Variants in CORIN observed in about 807,000 individuals in gnomAD.
CORIN encodes corin, serine peptidase.
CORIN carries 117 observed loss-of-function variants against 125.3 expected under a neutral mutation model. That is an observed-to-expected ratio of 0.93 (90% confidence interval 0.80 to 1.09). The LOEUF is 1.09. Among genes scored for constraint, CORIN ranks in the 50% least tolerant of loss-of-function variants. The pLI, the probability that CORIN is intolerant of heterozygous loss-of-function variation, is 0.00. For synonymous variants in CORIN, 450 were observed against 466.4 expected, an observed-to-expected ratio of 0.96 and a Z score of 0.45; for missense variants, 1,253 against 1,306.7, an observed-to-expected ratio of 0.96 and a Z score of 0.63.
intron 4 of CORIN, among the ~76,000 whole-genome samples, chr4:47,749,649 G>A (rs1728815415): frequency 6.6e-6 from 1 of 152,190 alleles, no homozygotes; most frequent in Non-Finnish European, 1.5e-5. Context: ...GCTTTAAGCT[G>A]ATAGGTTTAT....
At chr4:47,826,971 T>C in intron 1 of CORIN, among the ~76,000 whole-genome samples, 1 of 152,252 alleles carries the variant, frequency 6.6e-6, no homozygotes, top group Non-Finnish European at 1.5e-5. Context: ...GTTGATTACA[T>C]ATTAAAATTA....
intron 1 of CORIN, among the ~76,000 whole-genome samples, chr4:47,834,959 C>A (rs1272824849): frequency 1.3e-5 from 2 of 152,122 alleles, no homozygotes. Context: ...TTGCCCAGAG[C>A]CTTGCGGTTC....
At chr4:47,681,996 G>A (rs1297590253) in intron 7 of CORIN, 2 of 152,178 alleles carry the variant, frequency 1.3e-5, no homozygotes, top group African/African-American at 4.8e-5. Context: ...GTAGCAACAT[G>A]GATGAGCCTG....
Position 47,653,595 on chromosome 4 carries a change from C to T in CORIN, c.1801G>A (p.Gly601Ser), listed in dbSNP as rs1440873357. 6.2e-7 allele frequency: 1 copy of T among 1,613,996 alleles called. No individual in the cohort carries two copies. The highest frequency in any genetic ancestry group is 8.5e-7 in the Non-Finnish European group (1 of 1,179,988). ...CTGTCATCGTCACAGTCGGCCTGGCCATCACATCTTCTGGAAGCCAGAACA... is the reference window on the plus strand; with the variant it reads ...CTGTCATCGTCACAGTCGGCCTGGCTATCACATCTTCTGGAAGCCAGAACA... The part of the protein sequence containing the change: ...QCVLASRRCD[G>S]QADCDDDSDE... The change falls in exon 13 of 22, where the codon GGC becomes AGC. Residue 601 changes from glycine to serine, a missense_variant. By Grantham distance (56) the Gly-to-Ser change is moderately conservative. Transcript: ENST00000273857.
At chr4:47,666,502 G>A (rs1724489851) in intron 10 of CORIN, among the ~76,000 whole-genome samples, 1 of 152,210 alleles carries the variant, frequency 6.6e-6, no homozygotes, top group South Asian at 2.1e-4. Context: ...AGTAGAATGT[G>A]AACAGGGTAG....
intron 5 of CORIN, among the ~76,000 whole-genome samples, chr4:47,704,635 C>T (rs932417162): frequency 5.3e-5 from 8 of 152,052 alleles, no homozygotes; most frequent in Admixed American, 4.6e-4. Flanking sequence ...GAGCAGATAA[C>T]GGGAAGTCAA....
At chr4:47,797,678 T>G (rs1431076857) in intron 2 of CORIN, among the ~76,000 whole-genome samples, 1 of 150,626 alleles carries the variant, frequency 6.6e-6, no homozygotes, top group African/African-American at 2.5e-5. Context: ...ATAATATGAC[T>G]ATTTATTAAA....
intron 10 of CORIN, among the ~76,000 whole-genome samples, chr4:47,668,384 A>G (rs1266077415): frequency 6.6e-6 from 1 of 152,178 alleles, no homozygotes; most frequent in Admixed American, 6.5e-5. Context: ...TTATCCATAC[A>G]TGCCTTTGCA....
At chr4:47,761,582 T>C (rs1265457412) in intron 4 of CORIN, among the ~76,000 whole-genome samples, 1 of 151,946 alleles carries the variant, frequency 6.6e-6, no homozygotes, top group African/African-American at 2.4e-5. Context: ...TGGATCAACC[T>C]GGAGGACACT....
chr4:47,601,395 T>TCAA (rs1362610858), intron 20 of CORIN, among the ~76,000 whole-genome samples: 1 of 151,918 alleles, frequency 6.6e-6, no homozygotes, highest in South Asian at 2.1e-4. Flanking sequence ...GCCTCCACCT[T>TCAA]GGCTCAAGAA....
chr4:47,728,801 A>T (rs1296835333), intron 5 of CORIN, among the ~76,000 whole-genome samples: 3 of 152,220 alleles, frequency 2.0e-5, no homozygotes, highest in African/African-American at 7.2e-5. Flanking sequence ...TGAACAAAAT[A>T]ATATTCTGTA....
intron 19 of CORIN, among the ~76,000 whole-genome samples, chr4:47,611,482 G>A (rs1721866779): frequency 6.6e-6 from 1 of 152,214 alleles, no homozygotes; most frequent in Non-Finnish European, 1.5e-5. Flanking sequence ...ATCAGTTTAA[G>A]AAGCTTTTGG....
chr4:47,644,002 ACT>A (rs1242197042), intron 14 of CORIN, among the ~76,000 whole-genome samples: 1 of 152,114 alleles, frequency 6.6e-6, no homozygotes, highest in Non-Finnish European at 1.5e-5. Context: ...TCCTGCCCAA[ACT>A]CTGCTGCTGT....
At chr4:47,744,606 GT>G in intron 4 of CORIN, 23 bp from the exon 5 acceptor site, 1 of 1,541,328 alleles carries the variant, frequency 6.5e-7, no homozygotes, top group Non-Finnish European at 8.8e-7. Flanking sequence ...AAAGAGAAAG[GT>G]GAAAATTAGT....
chr4:47,614,971 G>A (rs777691700), intron 19 of CORIN, among the ~76,000 whole-genome samples: 11 of 152,148 alleles, frequency 7.2e-5, no homozygotes, highest in Non-Finnish European at 1.0e-4. Context: ...AAGATTTGAC[G>A]GGGCAATCAC....
chr4:47,800,355 C>T (rs1458682427), intron 2 of CORIN, among the ~76,000 whole-genome samples: 2 of 152,110 alleles, frequency 1.3e-5, no homozygotes, highest in African/African-American at 4.8e-5. Flanking sequence ...TCAGAGGCCT[C>T]TAAGCACAGA....
chr4:47,811,258 G>T (rs1732049097), intron 1 of CORIN, among the ~76,000 whole-genome samples: 1 of 152,276 alleles, frequency 6.6e-6, no homozygotes, highest in African/African-American at 2.4e-5. Context: ...ACTAATTCAA[G>T]AATGCAGAGC....
chr4:47,717,805 A>G (rs1727164034), intron 5 of CORIN, among the ~76,000 whole-genome samples: 1 of 152,190 alleles, frequency 6.6e-6, no homozygotes, highest in Non-Finnish European at 1.5e-5. Context: ...GCACTGTAGT[A>G]TATTTTATGA....
chr4:47,717,959 C>G (rs924315191), intron 5 of CORIN, among the ~76,000 whole-genome samples: 3 of 151,762 alleles, frequency 2.0e-5, no homozygotes, highest in African/African-American at 7.3e-5. Context: ...AAACTGGCAA[C>G]GAGAGGTGAG....
Sources: gnomAD v4.1 joint callset for allele counts (sites outside exome capture counted in the v4.1 genomes callset) on GRCh38, gnomAD v4.1.1 for gene constraint, MANE v1.5 for transcripts, NCBI Gene and HGNC (gene_info 2026-07-23, HGNC 2026-07-21) for gene names.